TRHDE: variants seen among roughly 807,000 people sequenced by gnomAD.
TRHDE encodes thyrotropin-releasing hormone-degrading ectoenzyme.
Under a neutral mutation model 125.7 loss-of-function variants are expected in TRHDE, and 72 were observed. That is an observed-to-expected ratio of 0.57 (90% CI 0.47 to 0.70). The LOEUF (loss-of-function observed/expected upper bound fraction) is 0.70, where lower values mean the gene tolerates loss of function less well. TRHDE is among the 30% of genes least tolerant of loss of function. The probability of loss-of-function intolerance (pLI) is 0.00; values close to 1 mark genes in which losing one functional copy is unlikely to be tolerated. For missense variants in TRHDE, 1,110 were observed against 1,327.1 expected (o/e 0.84, Z 2.54); for synonymous variants, 509 against 509.1 (o/e 1.00, Z 0.00).
chr12:72,543,783 TATTATTTGGAAAGG>T (rs1383605592), intron 7 of TRHDE, among the ~76,000 whole-genome samples: 34 of 142,634 alleles, frequency 2.4e-4, no homozygotes, highest in Middle Eastern at 3.6e-3. Context: ...TGGAAAGGAT[TATTATTTGGAAAGG>T]ATTATTATTA....
At chr12:72,096,310 T>G (rs2139285796) in intron 1 of TRHDE, among the ~76,000 whole-genome samples, 1 of 152,098 alleles carries the variant, frequency 6.6e-6, no homozygotes, top group East Asian at 2.0e-4. Flanking sequence ...TGCTATTATT[T>G]ATTTCCTTTG....
intron 6 of TRHDE, among the ~76,000 whole-genome samples, chr12:72,503,011 A>G (rs1271942207): frequency 6.6e-6 from 1 of 152,150 alleles, no homozygotes; most frequent in Non-Finnish European, 1.5e-5. Flanking sequence ...GAAAACTAGT[A>G]TGTGCATAAT....
chr12:72,249,678 C>T (rs971647723), intron 2 of TRHDE, among the ~76,000 whole-genome samples: 5 of 152,148 alleles, frequency 3.3e-5, no homozygotes, highest in African/African-American at 7.2e-5. Context: ...AGAATGCTAA[C>T]TCTCATGTGT....
At chr12:72,103,723 AC>A (rs747036352) in intron 1 of TRHDE, among the ~76,000 whole-genome samples, 7 of 152,182 alleles carry the variant, frequency 4.6e-5, no homozygotes, top group Non-Finnish European at 8.8e-5. Flanking sequence ...AGACAGTGAA[AC>A]AAAAATTGGA....
intron 1 of TRHDE, among the ~76,000 whole-genome samples, chr12:72,280,708 A>G (rs934058310): frequency 3.3e-5 from 5 of 152,192 alleles, no homozygotes; most frequent in Non-Finnish European, 7.3e-5. Context: ...ACTGCTGTCT[A>G]TTAGCAGTGA....
chr12:72,641,270 C>A (rs1874048868), intron 15 of TRHDE, among the ~76,000 whole-genome samples: 1 of 152,106 alleles, frequency 6.6e-6, no homozygotes, highest in African/African-American at 2.4e-5. Flanking sequence ...TATTCAACAG[C>A]ATTTTTATAT....
intron 17 of TRHDE, 109 bp downstream of exon 17, chr12:72,653,265 A>T: frequency 1.3e-6 from 1 of 791,346 alleles, no homozygotes; most frequent in East Asian, 3.2e-5. Flanking sequence ...TTTAGATATT[A>T]AAATATTCAA....
intron 2 of TRHDE, among the ~76,000 whole-genome samples, chr12:72,180,361 C>T (rs1408671111): frequency 6.6e-6 from 1 of 152,006 alleles, no homozygotes; most frequent in Non-Finnish European, 1.5e-5. Flanking sequence ...ACACTAGATT[C>T]CTGCCTTCTC....
intron 3 of TRHDE, among the ~76,000 whole-genome samples, chr12:72,463,515 C>T (rs1218945090): frequency 6.6e-6 from 1 of 152,102 alleles, no homozygotes; most frequent in African/African-American, 2.4e-5. Flanking sequence ...GAAAGTAGGA[C>T]AATTGATAAC....
At chr12:72,212,714 ATATTCT>A (rs1249475833) in intron 2 of TRHDE, among the ~76,000 whole-genome samples, 2 of 152,134 alleles carry the variant, frequency 1.3e-5, no homozygotes, top group Non-Finnish European at 2.9e-5. Context: ...GGAAAAATTG[ATATTCT>A]TATAAGTTGC....
intron 15 of TRHDE, among the ~76,000 whole-genome samples, chr12:72,637,693 G>A (rs1182150463): frequency 2.0e-5 from 3 of 152,082 alleles, no homozygotes. Flanking sequence ...CAGAGATTCT[G>A]GTATGTTGTG....
intron 12 of TRHDE, among the ~76,000 whole-genome samples, chr12:72,603,873 T>C (rs570005801): frequency 7.0e-4 from 107 of 152,238 alleles, no homozygotes; most frequent in South Asian, 1.5e-3. Flanking sequence ...AAACTGAGCT[T>C]TAAAGATTAA....
chr12:72,452,376 T>G (rs1488137082), intron 3 of TRHDE, among the ~76,000 whole-genome samples: 1 of 152,168 alleles, frequency 6.6e-6, no homozygotes, highest in Non-Finnish European at 1.5e-5. Context: ...TGTAAGATTG[T>G]GTCATTGGCA....
chr12:72,414,667 A>G (rs1873656607), intron 3 of TRHDE, among the ~76,000 whole-genome samples: 1 of 152,134 alleles, frequency 6.6e-6, no homozygotes, highest in East Asian at 1.9e-4. Flanking sequence ...GGCTAGCTGT[A>G]AAATTGCTTT....
chr12:72,488,923 G>A (rs1877534245), intron 5 of TRHDE, among the ~76,000 whole-genome samples: 1 of 151,616 alleles, frequency 6.6e-6, no homozygotes, highest in Non-Finnish European at 1.5e-5. Flanking sequence ...AGAAGAAATC[G>A]AAGGAAATTA....
intron 5 of TRHDE, among the ~76,000 whole-genome samples, chr12:72,491,586 C>A (rs1877688249): frequency 6.6e-6 from 1 of 151,800 alleles, no homozygotes; most frequent in African/African-American, 2.4e-5. Context: ...ATGTTAAAAA[C>A]AAAACATGAG....
intron 6 of TRHDE, among the ~76,000 whole-genome samples, chr12:72,508,024 G>A (rs970492869): frequency 1.3e-5 from 2 of 152,226 alleles, no homozygotes; most frequent in African/African-American, 4.8e-5. Flanking sequence ...TGGGTGCAAA[G>A]AGGACAAGAG....
intron 2 of TRHDE, among the ~76,000 whole-genome samples, chr12:72,213,640 A>G (rs917665225): frequency 2.6e-5 from 4 of 152,148 alleles, no homozygotes; most frequent in Admixed American, 2.6e-4. Context: ...TCAAACTGCA[A>G]CATTTTCCAT....
chr12:72,116,328 C>T (rs944104813), intron 2 of TRHDE, among the ~76,000 whole-genome samples: 8 of 152,210 alleles, frequency 5.3e-5, no homozygotes, highest in African/African-American at 1.9e-4. Context: ...CATATGTGTG[C>T]ATGTGTCTTT....
Sources: allele counts gnomAD v4.1 joint callset (sites outside exome capture counted in the v4.1 genomes callset), GRCh38; gene constraint gnomAD v4.1.1; transcripts MANE v1.5; gene names NCBI Gene and HGNC (gene_info 2026-07-23, HGNC 2026-07-21).